FYB1: variants seen among roughly 807,000 people sequenced by gnomAD.
FYB1 encodes the protein FYN-binding protein 1.
Under a neutral mutation model 94.1 loss-of-function variants are expected in FYB1, and 41 were observed. The ratio of observed to expected loss-of-function variants is 0.44; its 90% CI spans 0.34 to 0.57. FYB1 has a LOEUF of 0.57. FYB1 is among the 20% of genes least tolerant of loss of function. The pLI, the probability that FYB1 is intolerant of heterozygous loss-of-function variation, is 0.02. For missense variants in FYB1, 1,050 were observed against 976.8 expected, an observed-to-expected ratio of 1.07 and a Z score of -1.00; for synonymous variants, 367 against 353.2, an observed-to-expected ratio of 1.04 and a Z score of -0.44.
At position 39,134,315 on chromosome 5, in the gene FYB1, G is replaced by A. The variant is rs78841904; in HGVS notation, c.1710C>T (p.Asp570=). Reference sequence around the variant, plus strand: ...CTTTTTTCAGTTTCAAAGAATCATAGTCAATCTCTACAGCAGTTGTTTTAA... The same window carrying A: ...CTTTTTTCAGTTTCAAAGAATCATAATCAATCTCTACAGCAGTTGTTTTAA... ...GYIKTTAVEI[D]YDSLKLKKDS... The change falls in exon 9 of 19, where the codon GAC becomes GAT. Residue 570 remains aspartate, a synonymous_variant. Transcript: ENST00000512982. 20,483 of 1,611,372 alleles carry A rather than the reference G, an allele frequency of 0.013. 881 individuals are homozygous for A. In the East Asian group the frequency reaches 0.17, roughly 14 times the overall value.
At chr5:39,154,887 C>T (rs1017164629) in intron 2 of FYB1, among the ~76,000 whole-genome samples, 5 of 152,062 alleles carry the variant, frequency 3.3e-5, no homozygotes, top group African/African-American at 4.8e-5. Flanking sequence ...CCACCTCGCC[C>T]GGCCTCCTTT....
rs180888733 is a variant in FYB1, at chr5:39,232,317, A to T, written c.-27-29330T>A. On this transcript the variant is annotated intron_variant, in intron 1 of 1. Transcript: ENST00000510188. ...TACCCAGAAATATAAGTCACATGAA[A>T]CTAAAGAAATGAATAAGCTACCAGG... Among the ~76,000 whole-genome samples, 12 of 152,190 alleles carry T rather than the reference A, an allele frequency of 7.9e-5. No homozygotes were observed. In the East Asian group the frequency reaches 2.1e-3, roughly 27 times the overall value.
chr5:39,112,148 G>C (rs933600067), intron 16 of FYB1, among the ~76,000 whole-genome samples: 4 of 151,870 alleles, frequency 2.6e-5, no homozygotes, highest in African/African-American at 7.2e-5. Context: ...TTTGTATCAG[G>C]GTTCTCATAA....
At position 39,132,619 on chromosome 5, in the gene FYB1, G is replaced by A. The variant is rs182185294; in HGVS notation, c.1817+1589C>T. On this transcript the variant is annotated intron_variant, in intron 9 of 18. Transcript: ENST00000512982. ...TATGGATTCAATAAAATGGAAAAAG[G>A]TGATAATGCTAGTTTTGGGAAATAT... is the stretch of plus-strand genomic sequence containing the variant. Among the ~76,000 whole-genome samples the A allele has an allele frequency of 1.8e-4, 27 of 152,290 alleles. No homozygotes were observed. In the East Asian group the frequency reaches 4.8e-3, roughly 27 times the overall value.
At chr5:39,242,857 T>C (rs1225591571) in intron 1 of FYB1, among the ~76,000 whole-genome samples, 2 of 152,156 alleles carry the variant, frequency 1.3e-5, no homozygotes, top group African/African-American at 2.4e-5. Context: ...TGGTATCTCA[T>C]TGTGGTTTTG....
At chr5:39,211,602 C>T (rs1749399623) in intron 1 of FYB1, among the ~76,000 whole-genome samples, 1 of 152,170 alleles carries the variant, frequency 6.6e-6, no homozygotes, top group Admixed American at 6.5e-5. Context: ...AGCCACTGCG[C>T]CCGGCCTATT....
chr5:39,209,695 C>T (rs1444682051), intron 1 of FYB1, among the ~76,000 whole-genome samples: 3 of 152,144 alleles, frequency 2.0e-5, no homozygotes, highest in Admixed American at 6.6e-5. Context: ...GATGTAAAAG[C>T]AGGAACCTGG....
At chr5:39,141,768 A>C (rs1742206865) in intron 3 of FYB1, among the ~76,000 whole-genome samples, 1 of 152,042 alleles carries the variant, frequency 6.6e-6, no homozygotes, top group Non-Finnish European at 1.5e-5. Context: ...GCTACTCAGG[A>C]GGCTGAGGTA....
Position 39,134,996 on chromosome 5 carries a change from C to T in FYB1, c.1534G>A (p.Val512Ile). The T allele has an allele frequency of 1.2e-6, 2 of 1,613,794 alleles. No individual in the cohort carries two copies. The highest frequency in any genetic ancestry group is 1.7e-6 in the Non-Finnish European group (2 of 1,179,822). ...KKFKLTGPIQ[V>I]IHLAKACCDV... is the part of the protein sequence containing the mutation. ...CAACAAGCTTTTGCAAGATGGATGA[C>T]TTGAATAGGGCCTGTTAGCTGCAAA... The change falls in exon 8 of 19, where the codon GTC becomes ATC. Residue 512 changes from valine (V) to isoleucine (I), a missense_variant. Coordinates refer to ENST00000512982, the MANE Select transcript of FYB1 (RefSeq NM_001465.6).
chr5:39,141,818 G>A (rs1309871664), intron 3 of FYB1, among the ~76,000 whole-genome samples: 1 of 151,526 alleles, frequency 6.6e-6, no homozygotes, highest in Non-Finnish European at 1.5e-5. Context: ...GTTGCAGTGA[G>A]CTAAGATCGC....
intron 2 of FYB1, among the ~76,000 whole-genome samples, chr5:39,173,702 C>CT (rs1316320989): frequency 2.6e-5 from 4 of 152,070 alleles, no homozygotes; most frequent in Non-Finnish European, 5.9e-5. Flanking sequence ...AAAGGGAGTC[C>CT]TTTCTCCATT....
At chr5:39,176,138 T>TTTC (rs1491176232) in intron 2 of FYB1, among the ~76,000 whole-genome samples, 7 of 5,152 alleles carry the variant, frequency 1.4e-3, no homozygotes, top group Non-Finnish European at 2.1e-3. Context: ...TTTTTTTCTG[T>TTTC]TTTTTTTTTT....
At chr5:39,172,273 C>T (rs971948124) in intron 2 of FYB1, among the ~76,000 whole-genome samples, 1 of 152,048 alleles carries the variant, frequency 6.6e-6, no homozygotes, top group Non-Finnish European at 1.5e-5. Flanking sequence ...TGGTGAAACT[C>T]TGTCTCTACT....
chr5:39,229,421 C>G (rs550637147), intron 1 of FYB1, among the ~76,000 whole-genome samples: 96 of 152,168 alleles, frequency 6.3e-4, no homozygotes, highest in Non-Finnish European at 1.1e-3. Context: ...AATAAAATGA[C>G]AGTGGAAACT....
chr5:39,147,021 T>C (rs985156691), intron 3 of FYB1, among the ~76,000 whole-genome samples: 1 of 151,842 alleles, frequency 6.6e-6, no homozygotes, highest in East Asian at 1.9e-4. Flanking sequence ...AGAAAAACAA[T>C]GGAACCAGTC....
At chr5:39,239,395 T>C (rs1751108520) in intron 1 of FYB1, among the ~76,000 whole-genome samples, 1 of 152,148 alleles carries the variant, frequency 6.6e-6, no homozygotes, top group Admixed American at 6.6e-5. Context: ...GATGATATGA[T>C]TGTACAACTA....
chr5:39,223,199 C>T (rs192050916), upstream of FYB1, among the ~76,000 whole-genome samples: 81 of 152,174 alleles, frequency 5.3e-4, no homozygotes, highest in African/African-American at 1.9e-3. Flanking sequence ...TTACTACATG[C>T]TTTGGCTACA....
chr5:39,211,033 A>G lies in FYB1; in HGVS notation c.-27-8046T>C, dbSNP rs374322262. 14 of 152,296 alleles carry G rather than the reference A, an allele frequency of 9.2e-5. No individual in the cohort carries two copies. In the South Asian group the frequency reaches 1.7e-3, roughly 18 times the overall value. The allele number at this position is 152,296 out of a possible 1,614,324, so 9.4% of individuals were successfully genotyped here. ...CTTATTTTTCTTATTCTATTTTACA[A>G]TTTTTTATAGCAAATTTAACTTACA... On this transcript the variant is annotated intron_variant, in intron 1 of 18. Coordinates refer to ENST00000512982, the MANE Select transcript of FYB1 (RefSeq NM_001465.6).
At chr5:39,151,924 A>G (rs6895672) in intron 3 of FYB1, among the ~76,000 whole-genome samples, 17,357 of 152,218 alleles carry the variant, frequency 0.11, 1,675 homozygotes, top group East Asian at 0.53. Flanking sequence ...CATGTGAAAT[A>G]TAAACTTTTG....
Sources: gnomAD v4.1 joint callset for allele counts (sites outside exome capture counted in the v4.1 genomes callset) on GRCh38, gnomAD v4.1.1 for gene constraint, MANE v1.5 for transcripts, NCBI Gene and HGNC (gene_info 2026-07-23, HGNC 2026-07-21) for gene names.